Variants in LRFN5 observed in about 807,000 individuals in gnomAD.
The protein encoded by LRFN5 is leucine rich repeat and fibronectin type III domain containing 5.
LRFN5 carries 24 observed loss-of-function variants against 45.6 expected under a neutral mutation model. The observed-to-expected ratio is 0.53, with a 90% CI of 0.38 to 0.74. The LOEUF (loss-of-function observed/expected upper bound fraction) is 0.74, where lower values mean the gene tolerates loss of function less well. LRFN5 is among the 30% of genes least tolerant of loss of function. The pLI, the probability that LRFN5 is intolerant of heterozygous loss-of-function variation, is 0.00. For synonymous variants in LRFN5, 340 were observed against 313.8 expected (o/e 1.08, Z -0.88); for missense variants, 776 against 861.5 (o/e 0.90, Z 1.24).
intron 1 of LRFN5, among the ~76,000 whole-genome samples, chr14:41,634,194 CATA>C (rs2138584319): frequency 6.6e-6 from 1 of 152,230 alleles, no homozygotes; most frequent in South Asian, 2.1e-4. Flanking sequence ...GGGTATGCAT[CATA>C]ATGAGCTCCA....
At chr14:41,878,208 C>T (rs1018041860) in intron 2 of LRFN5, among the ~76,000 whole-genome samples, 1 of 151,994 alleles carries the variant, frequency 6.6e-6, no homozygotes, top group East Asian at 1.9e-4. Context: ...ATACTGTAGC[C>T]GTTTAACACA....
intron 2 of LRFN5, among the ~76,000 whole-genome samples, chr14:41,804,561 T>C (rs1371278306): frequency 6.6e-6 from 1 of 152,112 alleles, no homozygotes; most frequent in Non-Finnish European, 1.5e-5. Context: ...AACCTGGTGG[T>C]CTTTCATTAG....
chr14:41,774,496 G>C (rs143793718), intron 2 of LRFN5, among the ~76,000 whole-genome samples: 165 of 152,252 alleles, frequency 1.1e-3, no homozygotes, highest in African/African-American at 3.7e-3. Flanking sequence ...TGGAAGAATT[G>C]TGTATTGATT....
At chr14:41,661,700 G>T (rs1183732877) in intron 1 of LRFN5, among the ~76,000 whole-genome samples, 1 of 151,990 alleles carries the variant, frequency 6.6e-6, no homozygotes, top group Admixed American at 6.6e-5. Context: ...GGAGCCTCCA[G>T]TAGTGAAGAG....
At chr14:41,802,967 A>G (rs1039543357) in intron 2 of LRFN5, among the ~76,000 whole-genome samples, 1 of 152,156 alleles carries the variant, frequency 6.6e-6, no homozygotes, top group African/African-American at 2.4e-5. Flanking sequence ...TCTTCTGTAA[A>G]TGGAAAATAA....
chr14:41,639,978 T>A (rs867045525), intron 1 of LRFN5, among the ~76,000 whole-genome samples: 43 of 78,092 alleles, frequency 5.5e-4, no homozygotes, highest in South Asian at 2.5e-3. Flanking sequence ...TTTTTTTTTT[T>A]ATTTACAGCT....
In LRFN5 at chr14:41,887,321, T is replaced by G; in HGVS notation, c.696T>G (p.Thr232=). 1 of 1,614,216 alleles carries G rather than the reference T, an allele frequency of 6.2e-7. No individual in the cohort carries two copies. Among genetic ancestry groups the G allele is most frequent in the African/African-American group, 1.3e-5 (1 of 75,056 alleles). The change falls in exon 3 of 6, where the codon ACT becomes ACG. Residue 232 remains threonine, a synonymous_variant. Coordinates refer to ENST00000298119, the MANE Select transcript of LRFN5 (RefSeq NM_152447.5). This position sits in a 1 kb window ranked among gnomAD's most constrained non-coding sequence, Gnocchi z 4.8. ...CCTCAGGAATCATAAGCCCATCTAC[T>G]TTTGCATTAAGTTTTGGTGGAAACC... ...LATSGIISPS[T]FALSFGGNPL... is the part of the protein sequence containing the mutation.
At chr14:41,883,910 A>G (rs1460412471) in intron 2 of LRFN5, among the ~76,000 whole-genome samples, 2 of 152,036 alleles carry the variant, frequency 1.3e-5, no homozygotes, top group African/African-American at 2.4e-5. Flanking sequence ...GCAATTACGT[A>G]TATGTTTGAC....
intron 1 of LRFN5, among the ~76,000 whole-genome samples, chr14:41,758,061 G>A (rs550510605): frequency 7.2e-5 from 11 of 152,224 alleles, no homozygotes; most frequent in African/African-American, 2.4e-4. Context: ...TCCAAATTAT[G>A]CTTTCAAATG....
At chr14:41,647,779 C>T (rs1190152746) in intron 1 of LRFN5, among the ~76,000 whole-genome samples, 4 of 152,018 alleles carry the variant, frequency 2.6e-5, no homozygotes, top group Non-Finnish European at 1.5e-5. Context: ...TGATAGTCAT[C>T]CAGTTTTTGA....
intron 1 of LRFN5, among the ~76,000 whole-genome samples, chr14:41,697,199 A>T (rs1391479613): frequency 6.6e-6 from 1 of 151,940 alleles, no homozygotes; most frequent in African/African-American, 2.4e-5. Context: ...ATATGAAGCC[A>T]TCTGGGCATA....
intron 1 of LRFN5, among the ~76,000 whole-genome samples, chr14:41,641,581 C>G (rs879893597): frequency 6.6e-6 from 1 of 152,034 alleles, no homozygotes; most frequent in Non-Finnish European, 1.5e-5. Context: ...TTTCTATACA[C>G]ATATTTGTAG....
chr14:41,805,045 A>T (rs1467166876), intron 2 of LRFN5, among the ~76,000 whole-genome samples: 2 of 152,120 alleles, frequency 1.3e-5, no homozygotes, highest in Non-Finnish European at 2.9e-5. Context: ...AATCAATGTG[A>T]ATCAAAAAGC....
intron 1 of LRFN5, among the ~76,000 whole-genome samples, chr14:41,679,869 G>C (rs533264744): frequency 2.0e-5 from 3 of 152,178 alleles, no homozygotes; most frequent in African/African-American, 7.2e-5. Context: ...CCCTGGGACA[G>C]AGGGGAGACC....
At chr14:41,830,717 A>G (rs1361519958) in intron 2 of LRFN5, among the ~76,000 whole-genome samples, 1 of 152,166 alleles carries the variant, frequency 6.6e-6, no homozygotes, top group Non-Finnish European at 1.5e-5. Flanking sequence ...CTGACTTGCC[A>G]GAGGGGAACC....
At chr14:41,725,712 T>A (rs1272418319) in intron 1 of LRFN5, among the ~76,000 whole-genome samples, 1 of 152,214 alleles carries the variant, frequency 6.6e-6, no homozygotes. Context: ...AAATAATATT[T>A]CTAAGTCTCC....
intron 1 of LRFN5, among the ~76,000 whole-genome samples, chr14:41,624,019 A>G (rs566834696): frequency 6.5e-4 from 99 of 152,240 alleles, no homozygotes; most frequent in African/African-American, 2.3e-3. Flanking sequence ...AATAAATTAC[A>G]TGTGCAGAAA....
chr14:41,822,852 TG>T (rs912302372), intron 2 of LRFN5, among the ~76,000 whole-genome samples: 5 of 76,266 alleles, frequency 6.6e-5, no homozygotes, highest in African/African-American at 2.6e-4. Context: ...TATTTAGGGT[TG>T]TTTTTTTTTT....
intron 2 of LRFN5, among the ~76,000 whole-genome samples, chr14:41,806,671 G>C (rs919468323): frequency 1.3e-5 from 2 of 152,138 alleles, no homozygotes; most frequent in Non-Finnish European, 2.9e-5. Context: ...GTTTGGCTAT[G>C]GATTAGGACT....
Sources: allele counts gnomAD v4.1 joint callset (sites outside exome capture counted in the v4.1 genomes callset), GRCh38; gene constraint gnomAD v4.1.1; non-coding constraint Gnocchi (gnomAD v3.1); transcripts MANE v1.5; gene names NCBI Gene and HGNC (gene_info 2026-07-23, HGNC 2026-07-21).